Variants in NREP observed in about 807,000 individuals in gnomAD.
NREP encodes neuronal regeneration related protein.
NREP carries 5 observed loss-of-function variants against 8.6 expected under a neutral mutation model. The observed-to-expected ratio is 0.58, with a 90% CI of 0.30 to 1.22. The LOEUF is 1.22. NREP is among the 50% of genes most tolerant of loss of function. NREP has a pLI of 0.07. For synonymous variants in NREP, 27 were observed against 28.0 expected, an observed-to-expected ratio of 0.96 and a Z score of 0.11; for missense variants, 86 against 82.5, an observed-to-expected ratio of 1.04 and a Z score of -0.17.
At chr5:111,862,986 T>G (rs932767055) in intron 2 of NREP, among the ~76,000 whole-genome samples, 2 of 151,182 alleles carry the variant, frequency 1.3e-5, no homozygotes, top group African/African-American at 4.9e-5. Flanking sequence ...ATACTGCTTC[T>G]AAGAGCAATG....
intron 2 of NREP, among the ~76,000 whole-genome samples, chr5:111,870,074 C>A (rs991481642): frequency 5.3e-5 from 8 of 152,194 alleles, no homozygotes; most frequent in Middle Eastern, 3.2e-3. Flanking sequence ...GGCCAGCCAG[C>A]TTGTACCGAC....
intron 2 of NREP, among the ~76,000 whole-genome samples, chr5:111,863,392 G>A (rs1233917326): frequency 1.3e-5 from 2 of 152,112 alleles, no homozygotes; most frequent in African/African-American, 2.4e-5. Context: ...TAGAGAAGTC[G>A]AGGTGAGTAG....
chr5:111,873,360 G>C (rs1388000432), intron 2 of NREP, among the ~76,000 whole-genome samples: 1 of 152,044 alleles, frequency 6.6e-6, no homozygotes, highest in Non-Finnish European at 1.5e-5. Flanking sequence ...TGCTATATAG[G>C]CCAGAAGTCC....
chr5:111,956,120 T>C (rs370376385), intron 2 of NREP, among the ~76,000 whole-genome samples: 23 of 152,136 alleles, frequency 1.5e-4, no homozygotes, highest in Middle Eastern at 3.4e-3. Flanking sequence ...CCTCTACAGA[T>C]TGGGTAGATA....
chr5:111,936,156 A>G (rs993581109), intron 2 of NREP, among the ~76,000 whole-genome samples: 1 of 151,992 alleles, frequency 6.6e-6, no homozygotes, highest in Non-Finnish European at 1.5e-5. Context: ...AGGGCATGAT[A>G]TGGTTCGGCT....
intron 2 of NREP, among the ~76,000 whole-genome samples, chr5:111,768,129 TAAC>T (rs79745977): frequency 0.074 from 11,298 of 152,232 alleles, 756 homozygotes; most frequent in East Asian, 0.18. Context: ...AAGATGGCAT[TAAC>T]AACAGTTTAA....
At chr5:111,790,347 C>CTTTTTTTTTTTTTTTTTT (rs57775701) in intron 2 of NREP, among the ~76,000 whole-genome samples, 4 of 59,594 alleles carry the variant, frequency 6.7e-5, no homozygotes, top group Non-Finnish European at 8.6e-5. Flanking sequence ...AAAACCTTAA[C>CTTTTTTTTTTTTTTTTTT]TTTTTTTTTT....
At chr5:111,959,845 GT>G (rs1197597455) in intron 2 of NREP, among the ~76,000 whole-genome samples, 4 of 151,902 alleles carry the variant, frequency 2.6e-5, no homozygotes, top group Admixed American at 2.6e-4. Context: ...GCTGTATATT[GT>G]GGCTCATGAA....
chr5:111,953,012 C>T (rs1467810153), intron 2 of NREP, among the ~76,000 whole-genome samples: 1 of 152,070 alleles, frequency 6.6e-6, no homozygotes. Flanking sequence ...TAAGTCTTAT[C>T]ACATGTACCT....
intron 2 of NREP, among the ~76,000 whole-genome samples, chr5:111,854,541 T>C (rs1581167279): frequency 6.6e-6 from 1 of 152,188 alleles, no homozygotes; most frequent in African/African-American, 2.4e-5. Context: ...AACATGTGGG[T>C]TAGACTAGAA....
At chr5:111,791,808 G>C (rs1440877083) in intron 2 of NREP, among the ~76,000 whole-genome samples, 9 of 152,172 alleles carry the variant, frequency 5.9e-5, no homozygotes, top group African/African-American at 2.2e-4. Flanking sequence ...CATTCTTTTA[G>C]ATATACTACC....
chr5:111,788,258 C>A (rs981649767), intron 2 of NREP, among the ~76,000 whole-genome samples: 3 of 152,170 alleles, frequency 2.0e-5, no homozygotes, highest in African/African-American at 4.8e-5. Context: ...TATTTATGAT[C>A]AAAAATGTCT....
intron 2 of NREP, among the ~76,000 whole-genome samples, chr5:111,905,527 G>C (rs1319714104): frequency 6.6e-6 from 1 of 152,106 alleles, no homozygotes; most frequent in Non-Finnish European, 1.5e-5. Flanking sequence ...ATAGACCGTG[G>C]CTTAAATTAT....
chr5:111,843,566 C>T (rs1308536917), intron 2 of NREP, among the ~76,000 whole-genome samples: 6 of 149,548 alleles, frequency 4.0e-5, no homozygotes, highest in Admixed American at 3.3e-4. Context: ...TGGCCAGTTA[C>T]CGGGGCTTTA....
intron 2 of NREP, among the ~76,000 whole-genome samples, chr5:111,737,738 AAAAC>A (rs1167374711): frequency 2.7e-5 from 4 of 150,318 alleles, no homozygotes; most frequent in Non-Finnish European, 5.9e-5. Context: ...AACAAAAACA[AAAAC>A]AAAAAAAAAG....
At chr5:111,919,900 A>AAAGG (rs1267065883) in intron 2 of NREP, among the ~76,000 whole-genome samples, 1 of 151,482 alleles carries the variant, frequency 6.6e-6, no homozygotes, top group African/African-American at 2.4e-5. Context: ...AGAAAGAAAG[A>AAAGG]AAGAAAGAAA....
intron 2 of NREP, among the ~76,000 whole-genome samples, chr5:111,840,134 A>C (rs1268110996): frequency 2.0e-5 from 3 of 152,188 alleles, no homozygotes; most frequent in African/African-American, 7.2e-5. Context: ...TATTATATGC[A>C]TGTCTCATAT....
chr5:111,775,397 A>C (rs1751332922), intron 2 of NREP, among the ~76,000 whole-genome samples: 1 of 152,160 alleles, frequency 6.6e-6, no homozygotes, highest in Non-Finnish European at 1.5e-5. Context: ...GCTGATTACC[A>C]CATATAAATA....
chr5:111,830,881 G>A (rs572896377), intron 2 of NREP, among the ~76,000 whole-genome samples: 1 of 152,238 alleles, frequency 6.6e-6, no homozygotes, highest in East Asian at 1.9e-4. Context: ...GGGGCCTTTT[G>A]GACTAATTTA....
Sources: allele counts gnomAD v4.1 joint callset (sites outside exome capture counted in the v4.1 genomes callset), GRCh38; gene constraint gnomAD v4.1.1; transcripts MANE v1.5; gene names NCBI Gene and HGNC (gene_info 2026-07-23, HGNC 2026-07-21).